NDUFA9: variants seen among roughly 807,000 people sequenced by gnomAD.
NDUFA9 encodes NADH:ubiquinone oxidoreductase subunit A9.
In NDUFA9, 23 loss-of-function variants were observed where a neutral mutation model predicts 45.9. The observed-to-expected ratio is 0.50, with a 90% CI of 0.36 to 0.71. The LOEUF (loss-of-function observed/expected upper bound fraction) is 0.71, where lower values mean the gene tolerates loss of function less well. Ranked by LOEUF, NDUFA9 falls within the 30% of genes least tolerant of loss-of-function variation. The pLI is 0.00. For synonymous variants in NDUFA9, 176 were observed against 170.5 expected (o/e 1.03, Z -0.25); for missense variants, 466 against 488.2 (o/e 0.95, Z 0.43).
chr12:4,689,919 G>T lies in NDUFA9; in HGVS notation c.*2811G>T. 6.4e-6 allele frequency: 1 copy of T among 155,168 alleles called. No homozygotes were observed. Among genetic ancestry groups the T allele is most frequent in the Non-Finnish European group, 1.4e-5 (1 of 70,254 alleles). The allele number at this position is 155,168 out of a possible 1,614,324, so 9.6% of individuals were successfully genotyped here. ...ACCTCCCGGACTGGTCGGCTGGCTGGGCGGAGGCGCCCCCCACACAAACAC... is the reference window on the plus strand; with the variant it reads ...ACCTCCCGGACTGGTCGGCTGGCTGTGCGGAGGCGCCCCCCACACAAACAC... On this transcript the variant is annotated 3_prime_UTR_variant, in exon 11 of 11. Transcript: ENST00000266544.
chr12:4,685,581 C>T (rs1945981196), intron 10 of NDUFA9, among the ~76,000 whole-genome samples: 1 of 152,094 alleles, frequency 6.6e-6, no homozygotes, highest in Non-Finnish European at 1.5e-5. Context: ...TGCCTAATAG[C>T]TCCCCTGCCA....
At chr12:4,660,712 G>C (rs982543275) in intron 5 of NDUFA9, among the ~76,000 whole-genome samples, 23 of 152,158 alleles carry the variant, frequency 1.5e-4, no homozygotes, top group African/African-American at 5.5e-4. Flanking sequence ...GCCATGGCCA[G>C]ACAGTCTCAC....
At chr12:4,657,491 T>C (rs1457717732) in intron 3 of NDUFA9, 1 of 365,342 alleles carries the variant, frequency 2.7e-6, no homozygotes, top group Non-Finnish European at 5.0e-6. Flanking sequence ...TAAAAATCAA[T>C]AGCCTCCTTT....
At chr12:4,669,676 C>G in intron 7 of NDUFA9, 65 bp from the exon 8 acceptor site, 1 of 1,016,044 alleles carries the variant, frequency 9.8e-7, no homozygotes, top group Non-Finnish European at 1.5e-6. Context: ...TTCTTTCTAT[C>G]TCTCCATCTC....
chr12:4,657,690 G>T, intron 3 of NDUFA9, 58 bp from the exon 4 acceptor site: 2 of 1,242,478 alleles, frequency 1.6e-6, no homozygotes, highest in Non-Finnish European at 2.4e-6. Flanking sequence ...GGCTGCAGAA[G>T]TGTTGAGTGC....
chr12:4,658,865 C>T (rs895285952), intron 4 of NDUFA9, among the ~76,000 whole-genome samples, 171 bp from the exon 5 acceptor site: 10 of 152,180 alleles, frequency 6.6e-5, no homozygotes, highest in Non-Finnish European at 1.5e-4. Context: ...GCTGGGATTA[C>T]AGGCATGAGC....
chr12:4,669,708 A>G, intron 7 of NDUFA9, 33 bp from the exon 8 acceptor site: 1 of 1,362,184 alleles, frequency 7.3e-7, no homozygotes. Flanking sequence ...CTTTTTCAAC[A>G]ATTACTTAGA....
chr12:4,683,666 G>A (rs1035638503), intron 9 of NDUFA9, among the ~76,000 whole-genome samples: 2 of 152,186 alleles, frequency 1.3e-5, no homozygotes, highest in Non-Finnish European at 2.9e-5. Context: ...GGAGTGAGTG[G>A]AAGAGGAGGC....
At position 4,690,888 on chromosome 12, in the gene NDUFA9, C is replaced by G. The variant is rs565711558; in HGVS notation, c.*3780C>G. On this transcript the variant is annotated 3_prime_UTR_variant, in exon 11 of 11. Coordinates refer to ENST00000266544, the MANE Select transcript of NDUFA9 (RefSeq NM_005002.5). Reference sequence around the variant, plus strand: ...ACCTGCTGAAATGTGTGTGTTGGACCGGGGTGAGGAGGAAGCAGTCATTCA... The same window carrying G: ...ACCTGCTGAAATGTGTGTGTTGGACGGGGGTGAGGAGGAAGCAGTCATTCA... 2 of 151,942 alleles carry G rather than the reference C, an allele frequency of 1.3e-5. No homozygotes were observed. Among genetic ancestry groups the G allele is most frequent in the African/African-American group, 4.8e-5 (2 of 41,290 alleles). 9.4% of individuals were successfully genotyped at this position (151,942 alleles called of 1,614,324 possible).
At chr12:4,655,522 T>G (rs1945784738) in intron 3 of NDUFA9, 1 of 152,252 alleles carries the variant, frequency 6.6e-6, no homozygotes, top group African/African-American at 2.4e-5. Flanking sequence ...AATAATATTT[T>G]GGATATATTA....
chr12:4,662,951 C>G, intron 6 of NDUFA9, among the ~76,000 whole-genome samples: 1 of 152,110 alleles, frequency 6.6e-6, no homozygotes, highest in East Asian at 1.9e-4. Flanking sequence ...ATCCTAAAAT[C>G]CCCTGTGTTA....
chr12:4,659,215 C>T, intron 5 of NDUFA9, 38 bp downstream of exon 5: 1 of 1,565,634 alleles, frequency 6.4e-7, no homozygotes, highest in Non-Finnish European at 8.7e-7. Context: ...GTTCACAGAG[C>T]CAGAGTTTCT....
chr12:4,663,551 G>A (rs2137469554), intron 6 of NDUFA9, among the ~76,000 whole-genome samples: 1 of 152,278 alleles, frequency 6.6e-6, no homozygotes. Flanking sequence ...CTGAGGAAAG[G>A]CCATATGTGA....
At chr12:4,650,973 G>T (rs761693076) in intron 1 of NDUFA9, among the ~76,000 whole-genome samples, 2 of 152,078 alleles carry the variant, frequency 1.3e-5, no homozygotes, top group African/African-American at 2.4e-5. Context: ...TTGTGCAAGA[G>T]GACCTAATAA....
chr12:4,657,708 T>C (rs984759170), intron 3 of NDUFA9, 40 bp from the exon 4 acceptor site: 1 of 1,451,300 alleles, frequency 6.9e-7, no homozygotes, highest in South Asian at 1.1e-5. Context: ...TGCTGAGGTA[T>C]ACCCCTATGT....
chr12:4,664,177 C>G (rs1945839981), intron 6 of NDUFA9, among the ~76,000 whole-genome samples: 1 of 152,210 alleles, frequency 6.6e-6, no homozygotes, highest in African/African-American at 2.4e-5. Context: ...CTCAGCTTAT[C>G]CATATTGCAA....
At chr12:4,649,266 C>G in intron 1 of NDUFA9, 91 bp downstream of exon 1, 1 of 1,436,568 alleles carries the variant, frequency 7.0e-7, no homozygotes, top group Non-Finnish European at 9.6e-7. Flanking sequence ...AGCGGTCACG[C>G]CAACTTCCTA....
At chr12:4,656,597 T>C (rs142917018) in intron 3 of NDUFA9, among the ~76,000 whole-genome samples, 3 of 152,368 alleles carry the variant, frequency 2.0e-5, no homozygotes, top group Admixed American at 2.0e-4. Context: ...GCTTTAGTCT[T>C]TGTTTGCATC....
At chr12:4,681,125 A>G (rs1268045288) in intron 8 of NDUFA9, among the ~76,000 whole-genome samples, 1 of 152,206 alleles carries the variant, frequency 6.6e-6, no homozygotes, top group African/African-American at 2.4e-5. Context: ...AATACGTCAC[A>G]GAAGGAACTT....
Sources: allele counts gnomAD v4.1 joint callset (sites outside exome capture counted in the v4.1 genomes callset), GRCh38; gene constraint gnomAD v4.1.1; transcripts MANE v1.5; gene names NCBI Gene and HGNC (gene_info 2026-07-23, HGNC 2026-07-21).